Variants in PLB1 observed in about 807,000 individuals in gnomAD.
The protein encoded by PLB1 is phospholipase B1.
A neutral mutation model predicts 227.4 loss-of-function variants in PLB1; 242 were observed. That is an observed-to-expected ratio of 1.06 (90% CI 0.96 to 1.18). The LOEUF is 1.18. Ranked by LOEUF, PLB1 falls within the 50% of genes most tolerant of loss-of-function variation. PLB1 has a pLI of 0.00. For synonymous variants in PLB1, 757 were observed against 682.2 expected (o/e 1.11, Z -1.71); for missense variants, 1,858 against 1,816.3 (o/e 1.02, Z -0.42).
intron 17 of PLB1, among the ~76,000 whole-genome samples, chr2:28,555,141 C>CTTTTT (rs3041204): frequency 5.8e-5 from 7 of 120,226 alleles, no homozygotes; most frequent in African/African-American, 9.7e-5. Context: ...TGCCAGTGAT[C>CTTTTT]TTTTTTTTTT....
Position 28,592,667 on chromosome 2 carries a change from C to A in PLB1, c.2195C>A (p.Ala732Asp). 1 of 1,614,156 alleles carries A rather than the reference C, an allele frequency of 6.2e-7. No homozygotes were observed. The highest frequency in any genetic ancestry group is 8.5e-7 in the Non-Finnish European group (1 of 1,179,996). The change falls in exon 32 of 58, where the codon GCC (alanine) becomes GAC (aspartate). Residue 732 changes from alanine (A) to aspartate (D), a missense_variant. Ala to Asp is a moderately radical substitution (Grantham distance 126, BLOSUM62 -2). Transcript: ENST00000327757. ...TGTCCACTTGTCTTTCCAGTGCATGCCCTGAGACCTGCAGACATCCAAGTT... is the reference window on the plus strand; with the variant it reads ...TGTCCACTTGTCTTTCCAGTGCATGACCTGAGACCTGCAGACATCCAAGTT... ...PSALHPTSVH[A>D]LRPADIQVVA...
chr2:28,625,036 C>T (rs778367414), intron 49 of PLB1, 21 bp from the exon 50 acceptor site: 10 of 1,612,350 alleles, frequency 6.2e-6, no homozygotes, highest in Non-Finnish European at 8.5e-6. Context: ...ACTAACGCCC[C>T]TCTCTCTACC....
At chr2:28,530,991 AAG>A (rs1670936105) in intron 8 of PLB1, among the ~76,000 whole-genome samples, 1 of 152,234 alleles carries the variant, frequency 6.6e-6, no homozygotes, top group Non-Finnish European at 1.5e-5. Context: ...TGACCTGTGC[AAG>A]TTCACACGGC....
intron 5 of PLB1, 120 bp downstream of exon 5, chr2:28,525,427 ACCCT>A: frequency 7.3e-6 from 8 of 1,101,882 alleles, no homozygotes; most frequent in Non-Finnish European, 1.1e-5. Flanking sequence ...GCTCAAGGCT[ACCCT>A]CTGAGAAGGT....
intron 33 of PLB1, among the ~76,000 whole-genome samples, chr2:28,596,538 AAGG>A (rs1303703010): frequency 2.6e-5 from 4 of 152,238 alleles, no homozygotes; most frequent in Non-Finnish European, 2.9e-5. Flanking sequence ...TGAAGGAGAA[AAGG>A]AGGCAGAATT....
chr2:28,613,125 A>T (rs376715158), intron 43 of PLB1, among the ~76,000 whole-genome samples: 1 of 151,840 alleles, frequency 6.6e-6, no homozygotes, highest in African/African-American at 2.4e-5. Context: ...GGGTCTTGCT[A>T]TGCTTCCCAA....
At chr2:28,628,898 G>A (rs999965738) in intron 52 of PLB1, among the ~76,000 whole-genome samples, 196 bp from the exon 53 acceptor site, 10 of 152,200 alleles carry the variant, frequency 6.6e-5, no homozygotes, top group African/African-American at 2.4e-4. Context: ...TGACTTCCCT[G>A]TGTCTCAGTT....
rs1683752014 is a variant in PLB1 at position 28,600,818 on chromosome 2, G to T, written c.2484G>T (p.Met828Ile). 2 of 1,613,542 alleles carry T rather than the reference G, an allele frequency of 1.2e-6. No homozygotes were observed. The highest frequency in any genetic ancestry group is 1.3e-5 in the African/African-American group (1 of 75,028). ...AVPGAKAEDL[M>I]SQVQTLMQKM... Reference sequence around the variant, plus strand: ...TTTCTCTCTTTCTCAGGGATCTTATGAGCCAAGTCCAAACTCTGATGCAGA... The same window carrying T: ...TTTCTCTCTTTCTCAGGGATCTTATTAGCCAAGTCCAAACTCTGATGCAGA... Residue 828 changes from methionine to isoleucine, a missense_variant, in exon 36 of 58, where the codon ATG (methionine) becomes ATT (isoleucine). Met to Ile is a conservative substitution (Grantham distance 10). Coordinates refer to ENST00000327757, the MANE Select transcript of PLB1 (RefSeq NM_153021.5).
At chr2:28,522,828 A>T (rs1469446423) in intron 4 of PLB1, among the ~76,000 whole-genome samples, 1 of 152,218 alleles carries the variant, frequency 6.6e-6, no homozygotes, top group African/African-American at 2.4e-5. Flanking sequence ...TGAAAGCACA[A>T]TTCCTTGCAA....
intron 26 of PLB1, among the ~76,000 whole-genome samples, chr2:28,587,834 T>C (rs1681169660): frequency 1.3e-5 from 2 of 152,148 alleles, no homozygotes; most frequent in South Asian, 2.1e-4. Flanking sequence ...TTTTTTAGTC[T>C]CCACAGTGGG....
intron 48 of PLB1, 75 bp downstream of exon 48, chr2:28,620,718 G>A (rs1337255314): frequency 3.1e-6 from 5 of 1,592,964 alleles, no homozygotes; most frequent in East Asian, 2.2e-5. Context: ...CTGGAGGAGG[G>A]GAAGAGGAGG....
chr2:28,553,404 C>T (rs1343413746), intron 17 of PLB1, among the ~76,000 whole-genome samples: 4 of 152,214 alleles, frequency 2.6e-5, no homozygotes, highest in East Asian at 1.9e-4. Flanking sequence ...TAAAACACCA[C>T]GCAGAGCAGG....
At position 28,594,768 on chromosome 2, in the gene PLB1, C is replaced by T. The variant is rs1161545371; in HGVS notation, c.2321+1014C>T. On this transcript the variant is annotated intron_variant, in intron 33 of 57. Transcript: ENST00000327757. ...TCAGTGCCTTCCTGCGCCAAGGTCC[C>T]TGCGTTTCCACAAGTCCTTGGTCAG... 2.0e-5 allele frequency: 3 copies of T among 152,298 alleles called. No homozygotes were observed. In the East Asian group the frequency reaches 5.8e-4, roughly 30 times the overall value. 9.4% of individuals were successfully genotyped at this position (152,298 alleles called of 1,614,324 possible). A position where few individuals can be genotyped will look rare whatever the true frequency, so the allele number is the denominator to read the frequency against.
In PLB1 at chr2:28,506,707, G is replaced by A. The variant is rs146305566; in HGVS notation, c.56-10101G>A. 3.5e-4 allele frequency among the ~76,000 whole-genome samples: 54 copies of A among 152,218 alleles called. 2 individuals carry two copies. The East Asian group carries it at 9.8e-3, about 28-fold the overall frequency. ...TTCTTTAGCAGGGGAGTGGCATGACGCAAGTGGTATTTTGGGCAAGATGAG... is the reference window on the plus strand; with the variant it reads ...TTCTTTAGCAGGGGAGTGGCATGACACAAGTGGTATTTTGGGCAAGATGAG... On this transcript the variant is annotated intron_variant, in intron 1 of 57. Transcript: ENST00000327757.
intron 44 of PLB1, among the ~76,000 whole-genome samples, chr2:28,617,484 G>C (rs917120074): frequency 2.0e-5 from 3 of 152,186 alleles, no homozygotes; most frequent in African/African-American, 7.2e-5. Flanking sequence ...GGTGGTGTGT[G>C]GGTGCACATG....
intron 50 of PLB1, among the ~76,000 whole-genome samples, chr2:28,625,627 C>T (rs556652064): frequency 2.0e-4 from 31 of 152,250 alleles, no homozygotes; most frequent in Admixed American, 5.2e-4. Context: ...GCCCCAACCC[C>T]GCTTCTCAGT....
chr2:28,517,011 C>G (rs61344340), intron 2 of PLB1, 142 bp downstream of exon 2: 2 of 767,830 alleles, frequency 2.6e-6, no homozygotes, highest in East Asian at 5.1e-5. Flanking sequence ...TGAACCGCTT[C>G]CCCCATGGAC....
At chr2:28,544,996 G>A (rs1034358158) in intron 14 of PLB1, among the ~76,000 whole-genome samples, 2 of 152,096 alleles carry the variant, frequency 1.3e-5, no homozygotes, top group African/African-American at 4.8e-5. Context: ...GGTGGCAATA[G>A]CAATAATAAC....
intron 14 of PLB1, among the ~76,000 whole-genome samples, chr2:28,545,802 C>A (rs1463991332): frequency 6.6e-6 from 1 of 152,054 alleles, no homozygotes; most frequent in Admixed American, 6.5e-5. Context: ...TGTCTACCCT[C>A]GCAGACACAC....
Sources: allele counts gnomAD v4.1 joint callset (sites outside exome capture counted in the v4.1 genomes callset), GRCh38; gene constraint gnomAD v4.1.1; transcripts MANE v1.5; gene names NCBI Gene and HGNC (gene_info 2026-07-23, HGNC 2026-07-21).